The following LPL variants were observed in gnomAD, a reference collection of about 807,000 sequenced individuals.
LPL encodes lipoprotein lipase, also known as phospholipase A1.
A neutral mutation model predicts 52.2 loss-of-function variants in LPL; 43 were observed. The observed-to-expected ratio is 0.82, with a 90% CI of 0.64 to 1.06. LPL has a LOEUF of 1.06. Ranked by LOEUF, LPL falls within the 50% of genes least tolerant of loss-of-function variation. The pLI, the probability that LPL is intolerant of heterozygous loss-of-function variation, is 0.00. For synonymous variants in LPL, 244 were observed against 215.6 expected (o/e 1.13, Z -1.15); for missense variants, 639 against 585.3 (o/e 1.09, Z -0.95).
intron 1 of LPL, among the ~76,000 whole-genome samples, chr8:19,940,764 C>T (rs902127250): frequency 1.3e-5 from 2 of 152,128 alleles, no homozygotes; most frequent in African/African-American, 4.8e-5. Context: ...TTTATTTTGG[C>T]ATTAATTTGT....
At chr8:19,958,603 G>C (rs1317757177) in intron 6 of LPL, among the ~76,000 whole-genome samples, 1 of 152,156 alleles carries the variant, frequency 6.6e-6, no homozygotes, top group African/African-American at 2.4e-5. Context: ...GGTTATTGGG[G>C]GAACAGGTGG....
At chr8:19,952,511 C>T (rs749404555) in intron 3 of LPL, among the ~76,000 whole-genome samples, 35 of 152,082 alleles carry the variant, frequency 2.3e-4, no homozygotes, top group African/African-American at 7.7e-4. Context: ...CTTTTTCACA[C>T]GATCCCTTGA....
chr8:19,949,945 T>C (rs183747575), intron 2 of LPL, among the ~76,000 whole-genome samples: 3 of 146,654 alleles, frequency 2.0e-5, no homozygotes, highest in East Asian at 1.9e-4. Context: ...CTTTGGGAAG[T>C]TGTGGGAAAA....
At chr8:19,957,591 C>T (rs2069998110) in intron 6 of LPL, among the ~76,000 whole-genome samples, 1 of 152,328 alleles carries the variant, frequency 6.6e-6, no homozygotes, top group East Asian at 1.9e-4. Context: ...GGGCACCTCA[C>T]CACTCCCAGC....
intron 9 of LPL, among the ~76,000 whole-genome samples, chr8:19,964,945 C>G (rs1369481343): frequency 1.3e-5 from 2 of 151,182 alleles, no homozygotes; most frequent in African/African-American, 2.5e-5. Flanking sequence ...CAAAGATTCT[C>G]TTTCTCACAC....
chr8:19,960,847 G>A, intron 7 of LPL, 54 bp from the exon 8 acceptor site: 2 of 1,323,514 alleles, frequency 1.5e-6, no homozygotes, highest in African/African-American at 1.5e-5. Flanking sequence ...AAAAAGTGGG[G>A]GGCAGGGAGA....
chr8:19,960,269 T>C (rs2070026296), intron 7 of LPL, among the ~76,000 whole-genome samples: 1 of 152,232 alleles, frequency 6.6e-6, no homozygotes, highest in Admixed American at 6.5e-5. Flanking sequence ...TTTTAATAAC[T>C]TTCCATAGCT....
rs961397397 is a variant in LPL, at chr8:19,962,048, C to A, written c.1323-67C>A. 61 of 1,052,584 alleles carry A rather than the reference C, an allele frequency of 5.8e-5. No individual in the cohort carries two copies. The African/African-American group carries it at 8.9e-4, about 15-fold the overall frequency. 65.2% of individuals were successfully genotyped at this position (1,052,584 alleles called of 1,614,324 possible). A position where few individuals can be genotyped will look rare whatever the true frequency, so the allele number is the denominator to read the frequency against. ...TATTATTTAAACAGTCCTGACAGAA[C>A]TGTACCTTTGTGAACAGTGCTTTTG... On this transcript the variant is annotated intron_variant, in intron 8 of 9. Coordinates refer to ENST00000650287, the MANE Select transcript of LPL (RefSeq NM_000237.3).
At chr8:19,959,705 C>T (rs753568658) in intron 7 of LPL, among the ~76,000 whole-genome samples, 204 of 148,890 alleles carry the variant, frequency 1.4e-3, no homozygotes, top group Admixed American at 1.3e-3. Context: ...TAACAGGAAA[C>T]CACTCTATAG....
rs563680108 is a variant in LPL at position 19,958,954 on chromosome 8, G to T, written c.1019-306G>T. Among the ~76,000 whole-genome samples, 391 of 152,292 alleles carry T rather than the reference G, an allele frequency of 2.6e-3. 2 individuals are homozygous for T. Among genetic ancestry groups the T allele is most frequent in the African/African-American group, 9.2e-3 (384 of 41,572 alleles). ...CATGAGTGTTTTGGCCTTCTGATTT[G>T]ATCTCCCTAGCACCCCTCAAAGATG... On this transcript the variant is annotated intron_variant, in intron 6 of 9. Transcript: ENST00000650287.
intron 7 of LPL, 131 bp downstream of exon 7, chr8:19,959,511 T>C (rs913493363): frequency 6.8e-6 from 8 of 1,178,590 alleles, no homozygotes; most frequent in South Asian, 3.3e-5. Flanking sequence ...AATTTCAAAA[T>C]TGAGGTCTTT....
chr8:19,951,728 G>T, intron 2 of LPL, 41 bp from the exon 3 acceptor site: 1 of 1,608,670 alleles, frequency 6.2e-7, no homozygotes, highest in Non-Finnish European at 8.5e-7. Context: ...ATGACAAGTG[G>T]TAGGTGGGTA....
chr8:19,952,366 GT>G (rs1294778325), intron 3 of LPL, among the ~76,000 whole-genome samples: 1 of 152,164 alleles, frequency 6.6e-6, no homozygotes, highest in African/African-American at 2.4e-5. Context: ...TTATTCTTTA[GT>G]GTGAAATAGG....
chr8:19,964,535 C>A (rs2070068820), intron 9 of LPL, among the ~76,000 whole-genome samples: 1 of 151,960 alleles, frequency 6.6e-6, no homozygotes, highest in Non-Finnish European at 1.5e-5. Flanking sequence ...TTATTTTTTA[C>A]TTTTATTTAT....
At chr8:19,962,084 A>G in intron 8 of LPL, 31 bp from the exon 9 acceptor site, 3 of 1,401,872 alleles carry the variant, frequency 2.1e-6, no homozygotes, top group Non-Finnish European at 3.0e-6. Context: ...ATTGTTCTAC[A>G]TGGCATATTC....
chr8:19,953,970 GTCTC>G (rs1002355962), intron 4 of LPL, 146 bp from the exon 5 acceptor site: 22 of 689,380 alleles, frequency 3.2e-5, no homozygotes, highest in Middle Eastern at 2.5e-4. Context: ...CTCCTTTTAT[GTCTC>G]TCTAAGTAAA....
intron 6 of LPL, 99 bp downstream of exon 6, chr8:19,956,182 A>G: frequency 1.3e-6 from 2 of 1,530,502 alleles, no homozygotes; most frequent in South Asian, 2.3e-5. Context: ...AACAGAGATG[A>G]TGACTGGTGT....
Position 19,948,333 on chromosome 8 carries a change from G to T in LPL, c.242G>T (p.Gly81Val). ...HSSKTFMVIH[G>V]WTVTGMYESW... is the part of the protein sequence containing the mutation. Reference sequence around the variant, plus strand: ...AGCAAAACCTTCATGGTGATCCATGGCTGGACGGTAAGGGAGGCTCTTTGG... The same window carrying T: ...AGCAAAACCTTCATGGTGATCCATGTCTGGACGGTAAGGGAGGCTCTTTGG... Residue 81 changes from glycine to valine, a missense_variant, in exon 2 of 10, where the codon GGC (glycine) becomes GTC (valine). By Grantham distance (109) the Gly-to-Val change is moderately radical. Transcript: ENST00000650287. The T allele has an allele frequency of 6.2e-7, 1 of 1,613,928 alleles. No individual in the cohort carries two copies. Among genetic ancestry groups the T allele is most frequent in the Non-Finnish European group, 8.5e-7 (1 of 1,179,836 alleles).
At chr8:19,951,125 C>A (rs564434099) in intron 2 of LPL, among the ~76,000 whole-genome samples, 3 of 152,264 alleles carry the variant, frequency 2.0e-5, no homozygotes, top group Non-Finnish European at 4.4e-5. Context: ...CAAAGGAATG[C>A]TTAGCATGTA....
Sources: gnomAD v4.1 joint callset for allele counts (sites outside exome capture counted in the v4.1 genomes callset) on GRCh38, gnomAD v4.1.1 for gene constraint, MANE v1.5 for transcripts, NCBI Gene and HGNC (gene_info 2026-07-23, HGNC 2026-07-21) for gene names.